The following ARB2A variants were observed in gnomAD, a reference collection of about 807,000 sequenced individuals.
ARB2A encodes ARB2 cotranscriptional regulator A.
At chr5:93,785,147 A>G in the ARB2A span, among the ~76,000 whole-genome samples, 1 of 152,194 alleles carries the variant, frequency 6.6e-6, no homozygotes, top group South Asian at 2.1e-4. Context: ...AAATAACAAA[A>G]AAAGATTTGC....
the ARB2A span, among the ~76,000 whole-genome samples, chr5:93,776,806 T>C: frequency 6.6e-6 from 1 of 151,878 alleles, no homozygotes; most frequent in African/African-American, 2.4e-5. Context: ...ATAGATGACA[T>C]GTAACCTTCC....
the ARB2A span, among the ~76,000 whole-genome samples, chr5:94,079,268 G>A: frequency 6.6e-6 from 1 of 151,920 alleles, no homozygotes. Context: ...TCACATATGT[G>A]GGTTCCACCT....
chr5:94,072,030 G>A, the ARB2A span, among the ~76,000 whole-genome samples: 2,226 of 152,094 alleles, frequency 0.015, 56 homozygotes, highest in African/African-American at 0.051. Flanking sequence ...ATTACTCATC[G>A]GTAATAAACA....
chr5:93,716,462 C>T, the ARB2A span, among the ~76,000 whole-genome samples: 1 of 151,900 alleles, frequency 6.6e-6, no homozygotes, highest in African/African-American at 2.4e-5. Context: ...TGTAAACATC[C>T]TACAAATGAG....
the ARB2A span, among the ~76,000 whole-genome samples, chr5:94,080,795 C>T: frequency 1.3e-5 from 2 of 152,294 alleles, no homozygotes; most frequent in East Asian, 3.9e-4. Context: ...CAACTTTTCC[C>T]TCTGACCAAT....
the ARB2A span, chr5:93,737,447 T>A: frequency 2.6e-5 from 4 of 152,034 alleles, no homozygotes; most frequent in Admixed American, 6.6e-5. Context: ...AAAATTCCTA[T>A]GAAATTTCAA....
At chr5:93,964,352 T>C in the ARB2A span, 5 of 760,438 alleles carry the variant, frequency 6.6e-6, no homozygotes, top group East Asian at 2.8e-5. Context: ...ACATTTAAAC[T>C]TATCACAGTC....
chr5:94,004,395 C>A, the ARB2A span, among the ~76,000 whole-genome samples: 1 of 151,958 alleles, frequency 6.6e-6, no homozygotes, highest in Non-Finnish European at 1.5e-5. Context: ...TCTTGGCTAA[C>A]ATGGTGAAAC....
At chr5:94,034,341 G>A in the ARB2A span, among the ~76,000 whole-genome samples, 1 of 152,074 alleles carries the variant, frequency 6.6e-6, no homozygotes, top group Non-Finnish European at 1.5e-5. Flanking sequence ...ATGTTTAGAG[G>A]TATATCTACC....
chr5:93,853,167 C>T, the ARB2A span, among the ~76,000 whole-genome samples: 9 of 151,940 alleles, frequency 5.9e-5, no homozygotes, highest in African/African-American at 1.2e-4. Flanking sequence ...TGAAGAGGTC[C>T]TTCACGTCCC....
At chr5:93,667,922 A>C in the ARB2A span, among the ~76,000 whole-genome samples, 2 of 152,218 alleles carry the variant, frequency 1.3e-5, no homozygotes, top group Non-Finnish European at 2.9e-5. Context: ...AAAGAGATAA[A>C]GTTTGGATGT....
chr5:94,040,108 G>T, the ARB2A span, among the ~76,000 whole-genome samples: 1 of 152,152 alleles, frequency 6.6e-6, no homozygotes, highest in South Asian at 2.1e-4. Context: ...CTAAGACTTA[G>T]GGGTTAGAGG....
chr5:94,015,220 G>A, the ARB2A span, among the ~76,000 whole-genome samples: 1 of 152,018 alleles, frequency 6.6e-6, no homozygotes, highest in African/African-American at 2.4e-5. Flanking sequence ...AACCATATAG[G>A]CCAGAAGGGA....
chr5:94,058,614 G>A, the ARB2A span, among the ~76,000 whole-genome samples: 11 of 152,296 alleles, frequency 7.2e-5, no homozygotes, highest in South Asian at 2.3e-3. Flanking sequence ...CAGAAGATGA[G>A]ATGAATGAAC....
At chr5:93,932,241 AGTTGT>A in the ARB2A span, among the ~76,000 whole-genome samples, 2 of 152,186 alleles carry the variant, frequency 1.3e-5, no homozygotes, top group Non-Finnish European at 2.9e-5. Context: ...TTTGTGAGTC[AGTTGT>A]TAAAATAACC....
At chr5:93,771,857 G>A in the ARB2A span, among the ~76,000 whole-genome samples, 1 of 152,214 alleles carries the variant, frequency 6.6e-6, no homozygotes, top group African/African-American at 2.4e-5. Flanking sequence ...CACTGTTGTT[G>A]GGACTGTAAA....
At chr5:93,906,376 T>G in the ARB2A span, among the ~76,000 whole-genome samples, 1 of 151,460 alleles carries the variant, frequency 6.6e-6, no homozygotes, top group Non-Finnish European at 1.5e-5. Flanking sequence ...TGGTTTAAAC[T>G]TTCATCTTGG....
chr5:93,997,967 C>T, the ARB2A span, among the ~76,000 whole-genome samples: 1 of 151,678 alleles, frequency 6.6e-6, no homozygotes, highest in African/African-American at 2.4e-5. Context: ...CAAATGCACC[C>T]AAAAAGATTC....
At chr5:93,836,640 T>C in the ARB2A span, among the ~76,000 whole-genome samples, 68 of 152,260 alleles carry the variant, frequency 4.5e-4, no homozygotes, top group Admixed American at 2.0e-4. Context: ...CATTTTGGCA[T>C]ATTTTAAATG....
Sources: allele counts gnomAD v4.1 joint callset (sites outside exome capture counted in the v4.1 genomes callset), GRCh38; gene constraint gnomAD v4.1.1; transcripts MANE v1.5; gene names NCBI Gene and HGNC (gene_info 2026-07-23, HGNC 2026-07-21).